The following MPZL3 variants were observed in gnomAD, a reference collection of about 807,000 sequenced individuals.
The protein encoded by MPZL3 is myelin protein zero-like protein 3.
A neutral mutation model predicts 24.8 loss-of-function variants in MPZL3; 23 were observed. That is an observed-to-expected ratio of 0.93 (90% CI 0.67 to 1.31). The LOEUF is 1.31. Ranked by LOEUF, MPZL3 falls within the 40% of genes most tolerant of loss-of-function variation. MPZL3 has a pLI of 0.00. For synonymous variants in MPZL3, 99 were observed against 106.5 expected (o/e 0.93, Z 0.44); for missense variants, 277 against 294.9 (o/e 0.94, Z 0.44).
Position 118,227,039 on chromosome 11 carries a change from C to T in MPZL3, c.*2855G>A, listed in dbSNP as rs568018876. 5.3e-5 allele frequency: 8 copies of T among 152,206 alleles called. No homozygotes were observed. The highest frequency in any genetic ancestry group is 2.0e-4 in the Admixed American group (3 of 15,286). 9.4% of individuals were successfully genotyped at this position (152,206 alleles called of 1,614,324 possible). On this transcript the variant is annotated 3_prime_UTR_variant, in exon 6 of 6. Transcript: ENST00000278949. The stretch of plus-strand genomic sequence containing the variant: ...CGTTTTGTTTTGTTTTGAACAAAGA[C>T]GTGCTACCTTCTCTCTTGAAGCACC...
At chr11:118,240,128 G>A in intron 2 of MPZL3, 83 bp downstream of exon 2, 1 of 1,323,722 alleles carries the variant, frequency 7.6e-7, no homozygotes, top group African/African-American at 1.6e-5. Flanking sequence ...AAGATGAGAT[G>A]GCCTCAGGCA....
chr11:118,245,810 T>G (rs74760990), intron 1 of MPZL3, among the ~76,000 whole-genome samples: 8,993 of 152,256 alleles, frequency 0.059, 669 homozygotes, highest in African/African-American at 0.17. Flanking sequence ...TAAAAAACAT[T>G]TACAATGTCT....
intron 1 of MPZL3, among the ~76,000 whole-genome samples, chr11:118,250,725 C>A (rs564044985): frequency 2.0e-5 from 3 of 152,034 alleles, no homozygotes; most frequent in Non-Finnish European, 4.4e-5. Context: ...GGATTACAGG[C>A]GCCCGCCACC....
chr11:118,232,690 A>T (rs1215666027), intron 5 of MPZL3, among the ~76,000 whole-genome samples: 1 of 152,214 alleles, frequency 6.6e-6, no homozygotes, highest in African/African-American at 2.4e-5. Context: ...CTGCACTGGC[A>T]TTACCAACCT....
chr11:118,232,040 A>G (rs1391960678), intron 5 of MPZL3, among the ~76,000 whole-genome samples: 1 of 152,222 alleles, frequency 6.6e-6, no homozygotes, highest in Non-Finnish European at 1.5e-5. Context: ...GGTCATTAAA[A>G]TCATCTATAA....
intron 1 of MPZL3, among the ~76,000 whole-genome samples, chr11:118,242,854 A>G (rs1949513835): frequency 1.3e-5 from 2 of 152,320 alleles, no homozygotes; most frequent in Middle Eastern, 3.4e-3. Flanking sequence ...CTATTCCTCT[A>G]TTAAATGTCA....
At chr11:118,242,914 T>C (rs10790247) in intron 1 of MPZL3, among the ~76,000 whole-genome samples, 5 of 151,992 alleles carry the variant, frequency 3.3e-5, no homozygotes, top group Admixed American at 3.3e-4. Flanking sequence ...AGAGGGACAC[T>C]GAGAGAAACA....
intron 1 of MPZL3, among the ~76,000 whole-genome samples, chr11:118,246,792 C>A (rs187715770): frequency 6.6e-6 from 1 of 151,822 alleles, no homozygotes; most frequent in Admixed American, 6.6e-5. Flanking sequence ...CCCTATGTTG[C>A]CTAGTCTGGA....
chr11:118,240,263 T>C lies in MPZL3; in HGVS notation c.188A>G (p.Lys63Arg). 6.2e-7 allele frequency: 1 copy of C among 1,604,262 alleles called. No homozygotes were observed. The highest frequency in any genetic ancestry group is 2.3e-5 in the East Asian group (1 of 44,064). The change falls in exon 2 of 6, where the codon AAA (lysine) becomes AGA (arginine). Residue 63 changes from lysine to arginine, a missense_variant. Lys to Arg is a conservative substitution (Grantham distance 26). Coordinates refer to ENST00000278949, the MANE Select transcript of MPZL3 (RefSeq NM_198275.3). ...GCGATATGTCCAGTCTATAGTAAGT[T>C]TGTCAGTGACATCTGAAGTTGACTT... is the stretch of plus-strand genomic sequence containing the variant. ...TFKSTSDVTD[K>R]LTIDWTYRPP...
At chr11:118,252,078 C>T in intron 1 of MPZL3, 144 bp downstream of exon 1, 4 of 760,356 alleles carry the variant, frequency 5.3e-6, no homozygotes, top group Admixed American at 2.1e-5. Flanking sequence ...GTGATGACAT[C>T]GTCCCAACGT....
rs56100329 is a variant in MPZL3, at chr11:118,240,732, GACACACACACAC to G, written c.74-367_74-356del. On this transcript the variant is annotated intron_variant, in intron 1 of 5. Transcript: ENST00000278949. ...CACCCATCCCCTTCCATCCCCCGCAGACACACACACACACACACACACACACACACACACACA... is the reference window on the plus strand; with the variant it reads ...CACCCATCCCCTTCCATCCCCCGCAGACACACACACACACACACACACACA... Among the ~76,000 whole-genome samples the G allele has an allele frequency of 3.5e-3, 421 of 121,602 alleles. 2 individuals carry two copies. Among genetic ancestry groups the G allele is most frequent in the South Asian group, 9.5e-3 (35 of 3,666 alleles). 79.8% of individuals were successfully genotyped at this position (121,602 alleles called of 152,430 possible).
intron 1 of MPZL3, among the ~76,000 whole-genome samples, chr11:118,241,383 G>T (rs1359952128): frequency 2.0e-5 from 3 of 152,160 alleles, no homozygotes; most frequent in African/African-American, 7.2e-5. Flanking sequence ...GCAGAATGGT[G>T]TTGTGATTGA....
chr11:118,230,679 A>G (rs1949339534), intron 5 of MPZL3, among the ~76,000 whole-genome samples: 1 of 152,042 alleles, frequency 6.6e-6, no homozygotes, highest in Non-Finnish European at 1.5e-5. Context: ...CATCATTCTC[A>G]GCTGACGGCC....
rs750896051 is a variant in MPZL3 at position 118,237,057 on chromosome 11, T to C, written c.444A>G (p.Thr148=). 3.1e-6 allele frequency: 5 copies of C among 1,613,762 alleles called. No individual in the cohort carries two copies. The Admixed American group carries it at 6.7e-5, about 22-fold the overall frequency. Residue 148 remains threonine (T), a synonymous_variant, in exon 3 of 6, where the codon ACA becomes ACG. Transcript: ENST00000278949. ...TGGTGGCAATGAGCTTACCCCTTTC[T>C]GTGACTGTTAGCTCTGTCATGGGAA... ...HNIPMTELTV[T]ERGFGTMLSS...
At chr11:118,242,726 C>T (rs1182800397) in intron 1 of MPZL3, among the ~76,000 whole-genome samples, 1 of 152,210 alleles carries the variant, frequency 6.6e-6, no homozygotes, top group Non-Finnish European at 1.5e-5. Flanking sequence ...AAATATCGGC[C>T]CCCTTTGCGG....
intron 1 of MPZL3, among the ~76,000 whole-genome samples, chr11:118,248,687 G>A (rs1715447): frequency 0.063 from 9,539 of 151,986 alleles, 992 homozygotes; most frequent in African/African-American, 0.22. Flanking sequence ...ATTTTGTACA[G>A]TCTTATATAA....
chr11:118,232,866 C>T (rs1949371502), intron 5 of MPZL3, among the ~76,000 whole-genome samples: 2 of 152,116 alleles, frequency 1.3e-5, no homozygotes, highest in Non-Finnish European at 2.9e-5. Flanking sequence ...TTTCCAACTG[C>T]ACCACATCAG....
intron 5 of MPZL3, among the ~76,000 whole-genome samples, chr11:118,232,676 T>A (rs1011622588): frequency 6.6e-6 from 1 of 152,234 alleles, no homozygotes; most frequent in Admixed American, 6.5e-5. Context: ...TGGTATTAGG[T>A]CCTCTGCACT....
intron 5 of MPZL3, among the ~76,000 whole-genome samples, chr11:118,231,777 C>A (rs928348531): frequency 6.6e-6 from 1 of 152,074 alleles, no homozygotes; most frequent in African/African-American, 2.4e-5. Context: ...TCTGGCTTTA[C>A]CTTCAAACTA....
Sources: gnomAD v4.1 joint callset for allele counts (sites outside exome capture counted in the v4.1 genomes callset) on GRCh38, gnomAD v4.1.1 for gene constraint, MANE v1.5 for transcripts, NCBI Gene and HGNC (gene_info 2026-07-23, HGNC 2026-07-21) for gene names.